PCDHGB1: variants seen among roughly 807,000 people sequenced by gnomAD.
The protein encoded by PCDHGB1 is protocadherin gamma-B1.
In PCDHGB1, 34 loss-of-function variants were observed where a neutral mutation model predicts 56.6. That is an observed-to-expected ratio of 0.60 (90% confidence interval 0.46 to 0.80). The LOEUF (loss-of-function observed/expected upper bound fraction) is 0.80. Ranked by LOEUF, PCDHGB1 falls within the 30% of genes least tolerant of loss-of-function variation. The pLI is 0.00. For missense variants in PCDHGB1, 1,278 were observed against 1,204.6 expected (o/e 1.06, Z -0.90); for synonymous variants, 561 against 505.9 (o/e 1.11, Z -1.46).
At chr5:141,384,417 C>CATGGAG (rs1451567690) in intron 1 of PCDHGB1, 1 of 1,613,844 alleles carries the variant, frequency 6.2e-7, no homozygotes, top group East Asian at 2.2e-5. Flanking sequence ...CCTATGTCTC[C>CATGGAG]ATAAACTCTG....
At chr5:141,376,253 C>T (rs778244253) in intron 1 of PCDHGB1, 2 of 1,614,222 alleles carry the variant, frequency 1.2e-6, no homozygotes, top group East Asian at 4.5e-5. Flanking sequence ...CAAGTCACGC[C>T]TGCTGCAGGC....
At chr5:141,435,413 A>G (rs1422263053) in intron 1 of PCDHGB1, among the ~76,000 whole-genome samples, 1 of 152,122 alleles carries the variant, frequency 6.6e-6, no homozygotes, top group Admixed American at 6.5e-5. Flanking sequence ...GGTAAAGACT[A>G]TTTTTCACTT....
chr5:141,477,582 A>G lies in PCDHGB1; in HGVS notation c.2410-17225A>G. On this transcript the variant is annotated intron_variant, in intron 1 of 3. Transcript: ENST00000523390. This position sits in a 1 kb window ranked among gnomAD's most constrained non-coding sequence, Gnocchi z 4.9. Reference sequence around the variant, plus strand: ...GTCTGGGACCCCGACGCCCCGCAGAATGCTCGGCTTTCTTTCTTTCTCTTG... The same window carrying G: ...GTCTGGGACCCCGACGCCCCGCAGAGTGCTCGGCTTTCTTTCTTTCTCTTG... The G allele has an allele frequency of 6.2e-7, 1 of 1,614,190 alleles. No homozygotes were observed.
At chr5:141,421,474 G>T (rs1320526226) in intron 1 of PCDHGB1, 3 of 1,614,014 alleles carry the variant, frequency 1.9e-6, no homozygotes, top group African/African-American at 2.7e-5. Flanking sequence ...TCCGCGAAGC[G>T]GCAGCTTGAT....
rs1001555249 is a variant in PCDHGB1, at chr5:141,486,728, G to A, written c.2410-8079G>A. The A allele has an allele frequency of 1.2e-6, 2 of 1,614,200 alleles. No homozygotes were observed. The highest frequency in any genetic ancestry group is 1.7e-6 in the Non-Finnish European group (2 of 1,180,052). On this transcript the variant is annotated intron_variant, in intron 1 of 3. Transcript: ENST00000523390. This position sits in a 1 kb window ranked among gnomAD's most constrained non-coding sequence, Gnocchi z 5.0. Reference sequence around the variant, plus strand: ...GAACCCCCAGACAGGAGCTGTTCATGCTACTCGATCCTTTGACTATGAGCA... The same window carrying A: ...GAACCCCCAGACAGGAGCTGTTCATACTACTCGATCCTTTGACTATGAGCA...
At chr5:141,388,579 T>A (rs113550354) in intron 1 of PCDHGB1, 7 of 1,613,908 alleles carry the variant, frequency 4.3e-6, no homozygotes, top group Non-Finnish European at 5.1e-6. Flanking sequence ...CACGTTCTAG[T>A]GACTGATGCC....
At chr5:141,426,825 A>G (rs747894160) in intron 1 of PCDHGB1, 26 of 456,582 alleles carry the variant, frequency 5.7e-5, no homozygotes, top group Non-Finnish European at 9.3e-5. Context: ...CTCTCTGATG[A>G]TGGACAAGAC....
At chr5:141,375,298 G>A in intron 1 of PCDHGB1, 3 of 1,613,794 alleles carry the variant, frequency 1.9e-6, no homozygotes, top group Non-Finnish European at 1.7e-6. Flanking sequence ...ATCGATTAGT[G>A]ACAAATGCAG....
chr5:141,418,348 T>G (rs2096249125), intron 1 of PCDHGB1: 1 of 1,613,982 alleles, frequency 6.2e-7, no homozygotes, highest in African/African-American at 1.3e-5. Flanking sequence ...CTGATATTAG[T>G]ATGAATTCGC....
At chr5:141,399,475 C>T (rs1561669837) in intron 1 of PCDHGB1, 1 of 1,614,022 alleles carries the variant, frequency 6.2e-7, no homozygotes. Context: ...GGTTTTCCAC[C>T]AGGCGTCCTA....
At chr5:141,363,977 G>A (rs1763129841) in intron 1 of PCDHGB1, among the ~76,000 whole-genome samples, 1 of 152,178 alleles carries the variant, frequency 6.6e-6, no homozygotes, top group African/African-American at 2.4e-5. Flanking sequence ...TTGCTATTCA[G>A]AATTAAAGCT....
chr5:141,477,171 TCA>T lies in PCDHGB1; in HGVS notation c.2410-17633_2410-17632del, dbSNP rs772104411. On this transcript the variant is annotated intron_variant, in intron 1 of 3. Transcript: ENST00000523390. This position sits in a 1 kb window ranked among gnomAD's most constrained non-coding sequence, Gnocchi z 4.9. ...GATGTGAATGACAACGCCCCGGAGA[TCA>T]CAGTCACCTCCGTGTACAGCCCAGT... 6.2e-7 allele frequency: 1 copy of T among 1,614,072 alleles called. No individual in the cohort carries two copies. Among genetic ancestry groups the T allele is most frequent in the Non-Finnish European group, 8.5e-7 (1 of 1,179,988 alleles).
chr5:141,357,032 C>T (rs754361100), intron 1 of PCDHGB1: 2 of 1,614,066 alleles, frequency 1.2e-6, no homozygotes, highest in Admixed American at 1.7e-5. Flanking sequence ...CTACTCAAGT[C>T]CAGCGAGCCG....
chr5:141,489,425 G>T lies in PCDHGB1; in HGVS notation c.2410-5382G>T, dbSNP rs779739693. 6.2e-7 allele frequency: 1 copy of T among 1,614,118 alleles called. No homozygotes were observed. The highest frequency in any genetic ancestry group is 8.5e-7 in the Non-Finnish European group (1 of 1,180,030). The stretch of plus-strand genomic sequence containing the variant: ...TTAAAGATGACAGATCTGTTGAGCC[G>T]GCGGCTGCAATTGGGCTCTGAGGAG... On this transcript the variant is annotated intron_variant, in intron 1 of 3. Transcript: ENST00000523390. This position sits in a 1 kb window ranked among gnomAD's most constrained non-coding sequence, Gnocchi z 4.5.
At position 141,489,062 on chromosome 5, in the gene PCDHGB1, C is replaced by G. The variant is rs1466124551; in HGVS notation, c.2410-5745C>G. Reference sequence around the variant, plus strand: ...GCTCCACTCAAATTCAGCTCCCCTCCCCCCTGCCCACCCCCGCCACTCGGT... The same window carrying G: ...GCTCCACTCAAATTCAGCTCCCCTCGCCCCTGCCCACCCCCGCCACTCGGT... On this transcript the variant is annotated intron_variant, in intron 1 of 3. Transcript: ENST00000523390. This position sits in a 1 kb window ranked among gnomAD's most constrained non-coding sequence, Gnocchi z 4.5. 5.3e-6 allele frequency: 2 copies of G among 378,914 alleles called. No homozygotes were observed. Among genetic ancestry groups the G allele is most frequent in the Non-Finnish European group, 9.5e-6 (2 of 209,830 alleles). 23.5% of individuals were successfully genotyped at this position (378,914 alleles called of 1,614,324 possible).
At chr5:141,479,273 T>G (rs1723290487) in intron 1 of PCDHGB1, 1 of 152,386 alleles carries the variant, frequency 6.6e-6, no homozygotes, top group South Asian at 2.1e-4. Context: ...AGTAATAATT[T>G]ATTTCAAAAA....
intron 3 of PCDHGB1, among the ~76,000 whole-genome samples, chr5:141,508,937 G>T (rs764041162): frequency 3.0e-4 from 45 of 152,040 alleles, no homozygotes; most frequent in Non-Finnish European, 6.3e-4. Flanking sequence ...AGTTAATTAG[G>T]GAAAACAGAG....
In PCDHGB1 at chr5:141,495,640, G is replaced by A. The variant is rs149177775; in HGVS notation, c.2468+775G>A. 1.2e-3 allele frequency among the ~76,000 whole-genome samples: 177 copies of A among 152,150 alleles called. 1 individual carries two copies. The highest frequency in any genetic ancestry group is 4.1e-3 in the African/African-American group (171 of 41,498). ...ACCTCAGCCTCAGTCCCTTTCATTT[G>A]TCTACTTGCATTGATCTGTGCCGCC... On this transcript the variant is annotated intron_variant, in intron 2 of 3. Transcript: ENST00000523390.
At chr5:141,417,900 G>T (rs563876979) in intron 1 of PCDHGB1, 1 of 1,583,452 alleles carries the variant, frequency 6.3e-7, no homozygotes, top group African/African-American at 1.3e-5. Flanking sequence ...GCCGGCCCGC[G>T]GCAGGTACTA....
Sources: allele counts gnomAD v4.1 joint callset (sites outside exome capture counted in the v4.1 genomes callset), GRCh38; gene constraint gnomAD v4.1.1; non-coding constraint Gnocchi (gnomAD v3.1); transcripts MANE v1.5; gene names NCBI Gene and HGNC (gene_info 2026-07-23, HGNC 2026-07-21).